The following CNTN5 variants were observed in gnomAD, a reference collection of about 807,000 sequenced individuals.
CNTN5 encodes contactin 5, also known as contactin-5.
In CNTN5, 77 loss-of-function variants were observed where a neutral mutation model predicts 129.1. That is an observed-to-expected ratio of 0.60 (90% CI 0.50 to 0.72). CNTN5 has a LOEUF of 0.72. Ranked by LOEUF, CNTN5 falls within the 30% of genes least tolerant of loss-of-function variation. The pLI, the probability that CNTN5 is intolerant of heterozygous loss-of-function variation, is 0.00. For missense variants in CNTN5, 1,478 were observed against 1,328.8 expected (o/e 1.11, Z -1.75); for synonymous variants, 509 against 465.6 (o/e 1.09, Z -1.20).
chr11:99,830,399 G>A (rs1289996998), intron 4 of CNTN5, among the ~76,000 whole-genome samples: 1 of 151,930 alleles, frequency 6.6e-6, no homozygotes, highest in Non-Finnish European at 1.5e-5. Flanking sequence ...AGTACTTTTG[G>A]CTAAATTTTA....
At chr11:99,688,853 C>T (rs539152253) in intron 3 of CNTN5, among the ~76,000 whole-genome samples, 37 of 152,198 alleles carry the variant, frequency 2.4e-4, no homozygotes, top group African/African-American at 8.2e-4. Context: ...TGAGAACATG[C>T]AGTATTTGGT....
chr11:99,602,194 G>A (rs555255033), intron 3 of CNTN5, among the ~76,000 whole-genome samples: 2 of 151,848 alleles, frequency 1.3e-5, no homozygotes, highest in East Asian at 3.9e-4. Context: ...ACTTTTATAC[G>A]AATATATATT....
At chr11:99,994,473 C>T (rs1939320917) in intron 8 of CNTN5, among the ~76,000 whole-genome samples, 1 of 152,164 alleles carries the variant, frequency 6.6e-6, no homozygotes, top group Non-Finnish European at 1.5e-5. Flanking sequence ...TCTCTTTAGA[C>T]AATTTACTAG....
At chr11:99,910,772 T>A (rs531629041) in intron 6 of CNTN5, among the ~76,000 whole-genome samples, 1 of 152,200 alleles carries the variant, frequency 6.6e-6, no homozygotes, top group South Asian at 2.1e-4. Flanking sequence ...TTTCTCTCTT[T>A]TCTCTTTTCT....
At chr11:99,670,215 A>G (rs543322432) in intron 3 of CNTN5, among the ~76,000 whole-genome samples, 2 of 152,288 alleles carry the variant, frequency 1.3e-5, no homozygotes, top group Admixed American at 1.3e-4. Flanking sequence ...CCTATTGCAA[A>G]TTCAAGTGTA....
At chr11:99,391,844 A>G (rs760174487) in intron 2 of CNTN5, among the ~76,000 whole-genome samples, 1 of 151,982 alleles carries the variant, frequency 6.6e-6, no homozygotes, top group Non-Finnish European at 1.5e-5. Context: ...GTATAAGGGC[A>G]CAAGAGTCAG....
intron 13 of CNTN5, among the ~76,000 whole-genome samples, chr11:100,123,192 A>T (rs1308165840): frequency 1.3e-5 from 2 of 152,048 alleles, no homozygotes; most frequent in Non-Finnish European, 2.9e-5. Flanking sequence ...AAAACTAATG[A>T]TTCAGCTTTA....
rs576346522 is a variant in CNTN5 at position 99,503,415 on chromosome 11, T to C, written c.-70-52730T>C. Among the ~76,000 whole-genome samples, 115 of 152,340 alleles carry C rather than the reference T, an allele frequency of 7.5e-4. 2 individuals carry two copies. The South Asian group carries it at 0.019, about 25-fold the overall frequency. On this transcript the variant is annotated intron_variant, in intron 2 of 24. Transcript: ENST00000524871. ...GGGATCATATTCTCTGTAAAAGATA[T>C]GCTAGATTCTCAGCCTCATATTCAT...
At chr11:99,759,009 A>C (rs1446981914) in intron 3 of CNTN5, among the ~76,000 whole-genome samples, 1 of 152,092 alleles carries the variant, frequency 6.6e-6, no homozygotes, top group Non-Finnish European at 1.5e-5. Context: ...TGGAGAACTG[A>C]GGAAATTAAC....
chr11:99,496,416 T>C (rs999807417), intron 2 of CNTN5, among the ~76,000 whole-genome samples: 14 of 152,176 alleles, frequency 9.2e-5, no homozygotes, highest in Non-Finnish European at 1.6e-4. Flanking sequence ...TTTGACCTCA[T>C]AAATCTAAGG....
At chr11:99,570,535 C>T (rs1220323094) in intron 3 of CNTN5, among the ~76,000 whole-genome samples, 2 of 152,000 alleles carry the variant, frequency 1.3e-5, no homozygotes, top group Non-Finnish European at 2.9e-5. Flanking sequence ...TTTCAGGTAC[C>T]AGTTACATAA....
chr11:99,401,613 T>C (rs1604910), intron 2 of CNTN5, among the ~76,000 whole-genome samples: 113,329 of 152,018 alleles, frequency 0.75, 43,106 homozygotes, highest in African/African-American at 0.9. Flanking sequence ...AATATTTCTG[T>C]GAATAATGTC....
intron 15 of CNTN5, among the ~76,000 whole-genome samples, chr11:100,220,175 G>T (rs755422860): frequency 1.3e-5 from 2 of 152,014 alleles, no homozygotes; most frequent in Non-Finnish European, 1.5e-5. Context: ...TACTCGGGAG[G>T]CTAAGGCAGG....
intron 1 of CNTN5, among the ~76,000 whole-genome samples, chr11:99,141,912 CCAA>C (rs1859533351): frequency 6.6e-6 from 1 of 152,028 alleles, no homozygotes; most frequent in Non-Finnish European, 1.5e-5. Context: ...CTTTACGTGG[CCAA>C]TTTTAGAGTA....
chr11:99,402,406 C>A (rs71474519), intron 2 of CNTN5, among the ~76,000 whole-genome samples: 14,396 of 152,092 alleles, frequency 0.095, 742 homozygotes, highest in East Asian at 0.18. Flanking sequence ...ATGTTTGCAT[C>A]CCAGGGGTAA....
At chr11:100,119,822 T>C (rs1945955364) in intron 13 of CNTN5, among the ~76,000 whole-genome samples, 1 of 151,918 alleles carries the variant, frequency 6.6e-6, no homozygotes. Flanking sequence ...TTAATGTGTT[T>C]ATACCTAAAA....
chr11:99,032,764 T>C (rs1863464819), intron 1 of CNTN5, among the ~76,000 whole-genome samples: 3 of 149,596 alleles, frequency 2.0e-5, no homozygotes, highest in South Asian at 2.1e-4. Flanking sequence ...AGAAGCTCTT[T>C]AGTTTAATTA....
chr11:99,212,955 G>A (rs1436341095), intron 1 of CNTN5, among the ~76,000 whole-genome samples: 1 of 151,882 alleles, frequency 6.6e-6, no homozygotes, highest in East Asian at 1.9e-4. Flanking sequence ...ACTTTGGGAG[G>A]CCGAGGTGGG....
At chr11:99,523,415 C>A (rs1480474717) in intron 2 of CNTN5, among the ~76,000 whole-genome samples, 1 of 151,824 alleles carries the variant, frequency 6.6e-6, no homozygotes, top group African/African-American at 2.4e-5. Context: ...GGCGACGTGG[C>A]GAAACCCCAT....
Sources: gnomAD v4.1 joint callset for allele counts (sites outside exome capture counted in the v4.1 genomes callset) on GRCh38, gnomAD v4.1.1 for gene constraint, MANE v1.5 for transcripts, NCBI Gene and HGNC (gene_info 2026-07-23, HGNC 2026-07-21) for gene names.